SLX4IP: variants seen among roughly 807,000 people sequenced by gnomAD.
The protein encoded by SLX4IP is SLX4 interacting protein, also known as protein SLX4IP.
A neutral mutation model predicts 32.9 loss-of-function variants in SLX4IP; 34 were observed. The ratio of observed to expected loss-of-function variants is 1.03; its 90% CI spans 0.79 to 1.38. The LOEUF is 1.38. Among genes scored for constraint, SLX4IP ranks in the 40% most tolerant of loss-of-function variants. SLX4IP has a pLI of 0.00. For synonymous variants in SLX4IP, 172 were observed against 171.7 expected, an observed-to-expected ratio of 1.00 and a Z score of -0.01; for missense variants, 444 against 479.0, an observed-to-expected ratio of 0.93 and a Z score of 0.68.
intron 7 of SLX4IP, among the ~76,000 whole-genome samples, chr20:10,622,048 G>A (rs1328187090): frequency 6.6e-6 from 1 of 152,148 alleles, no homozygotes; most frequent in Non-Finnish European, 1.5e-5. Context: ...CAGCTATATC[G>A]ACACTCTTTT....
intron 3 of SLX4IP, 119 bp downstream of exon 3, chr20:10,556,439 A>C (rs752916477): frequency 1.9e-5 from 19 of 1,013,944 alleles, no homozygotes; most frequent in Non-Finnish European, 2.8e-5. Context: ...TTAATCCTTG[A>C]AAAACAATTG....
Position 10,626,746 on chromosome 20 carries a change from A to T in SLX4IP, c.*3367A>T, listed in dbSNP as rs1555826111. On this transcript the variant is annotated 3_prime_UTR_variant, in exon 8 of 8. Transcript: ENST00000334534. Reference sequence around the variant, plus strand: ...TGCAAAGAAGCAAACATTTGGGGGTAGGGGAGTAAGTGCTGTAGTTCTTTT... The same window carrying T: ...TGCAAAGAAGCAAACATTTGGGGGTTGGGGAGTAAGTGCTGTAGTTCTTTT... 6.6e-6 allele frequency: 1 copy of T among 152,236 alleles called. No homozygotes were observed. The highest frequency in any genetic ancestry group is 1.5e-5 in the Non-Finnish European group (1 of 68,040). The allele number at this position is 152,236 out of a possible 1,614,324, so 9.4% of individuals were successfully genotyped here.
chr20:10,583,551 G>A (rs2051004058), intron 4 of SLX4IP, among the ~76,000 whole-genome samples: 1 of 152,130 alleles, frequency 6.6e-6, no homozygotes. Context: ...CCGGATGGTG[G>A]CATTAACCTG....
In SLX4IP at chr20:10,622,908, T is replaced by G. The variant is rs1285556207; in HGVS notation, c.756T>G (p.Ser252Arg). The G allele has an allele frequency of 1.9e-6, 3 of 1,614,024 alleles. No homozygotes were observed. In the South Asian group the frequency reaches 3.3e-5, roughly 18 times the overall value. Residue 252 changes from serine (S) to arginine (R), a missense_variant, in exon 8 of 8, where the codon AGT (serine) becomes AGG (arginine). By Grantham distance (110) the Ser-to-Arg change is moderately radical. Coordinates refer to ENST00000334534, the MANE Select transcript of SLX4IP (RefSeq NM_001009608.3). ...ATCAGACCCAGCCAGAAGACACTAG[T>G]GGCCAGCAAAAACCTCATCCTGGGG... ...KVNQTQPEDT[S>R]GQQKPHPGER...
intron 4 of SLX4IP, among the ~76,000 whole-genome samples, chr20:10,588,665 T>C (rs1464029614): frequency 6.6e-6 from 1 of 152,146 alleles, no homozygotes; most frequent in Non-Finnish European, 1.5e-5. Flanking sequence ...CATAGACAAA[T>C]ACTGTGTGAT....
chr20:10,484,229 C>A (rs1186809611), intron 2 of SLX4IP, among the ~76,000 whole-genome samples: 1 of 152,078 alleles, frequency 6.6e-6, no homozygotes, highest in Non-Finnish European at 1.5e-5. Flanking sequence ...TCCTCCCCTA[C>A]AATGAGATAG....
At chr20:10,594,852 A>G (rs922895117) in intron 4 of SLX4IP, among the ~76,000 whole-genome samples, 5 of 152,262 alleles carry the variant, frequency 3.3e-5, no homozygotes, top group African/African-American at 1.2e-4. Flanking sequence ...TAGTAGGAGG[A>G]CTGTGGTTTG....
At chr20:10,458,928 G>T (rs2065311973) in intron 2 of SLX4IP, among the ~76,000 whole-genome samples, 1 of 152,160 alleles carries the variant, frequency 6.6e-6, no homozygotes, top group Non-Finnish European at 1.5e-5. Flanking sequence ...GATCTTTAGG[G>T]AATCGCCACA....
In SLX4IP at chr20:10,626,349, A is replaced by G. The variant is rs1361288217; in HGVS notation, c.*2970A>G. ...CACCCGGCCTGTTTTGACATTCTTA[A>G]TGATCTTAATAATTTGGCATCTGAA... is the stretch of plus-strand genomic sequence containing the variant. On this transcript the variant is annotated 3_prime_UTR_variant, in exon 8 of 8. Coordinates refer to ENST00000334534, the MANE Select transcript of SLX4IP (RefSeq NM_001009608.3). The G allele has an allele frequency of 6.6e-6, 1 of 151,606 alleles. No homozygotes were observed. The highest frequency in any genetic ancestry group is 1.5e-5 in the Non-Finnish European group (1 of 67,918). 9.4% of individuals were successfully genotyped at this position (151,606 alleles called of 1,614,324 possible).
At chr20:10,509,537 C>T (rs575747995) in intron 2 of SLX4IP, among the ~76,000 whole-genome samples, 18 of 152,256 alleles carry the variant, frequency 1.2e-4, no homozygotes, top group African/African-American at 3.9e-4. Flanking sequence ...GGTAGGATAT[C>T]GCCTTGATAC....
At chr20:10,518,523 TTCCTTCCTTC>T (rs1568720429) in intron 2 of SLX4IP, among the ~76,000 whole-genome samples, 1 of 140,238 alleles carries the variant, frequency 7.1e-6, no homozygotes, top group Non-Finnish European at 1.6e-5. Flanking sequence ...CCTTCCTTCC[TTCCTTCCTTC>T]CTTCCTTCCT....
intron 6 of SLX4IP, chr20:10,613,270 A>G (rs2066988952): frequency 7.9e-6 from 5 of 635,254 alleles, no homozygotes. Flanking sequence ...AGGAAATACT[A>G]AGATCAGGTT....
intron 2 of SLX4IP, among the ~76,000 whole-genome samples, chr20:10,477,441 G>A (rs950949925): frequency 2.6e-5 from 4 of 152,164 alleles, no homozygotes. Flanking sequence ...GATTTTTTGT[G>A]TTTTTAGTAG....
chr20:10,562,928 T>A (rs2066348828), intron 4 of SLX4IP, among the ~76,000 whole-genome samples: 1 of 152,186 alleles, frequency 6.6e-6, no homozygotes, highest in African/African-American at 2.4e-5. Context: ...TTAAAATACC[T>A]AGTAGGGAGA....
chr20:10,505,109 A>G (rs186508817), intron 2 of SLX4IP, among the ~76,000 whole-genome samples: 1 of 152,208 alleles, frequency 6.6e-6, no homozygotes, highest in Non-Finnish European at 1.5e-5. Flanking sequence ...GTTTAGACAC[A>G]CTGTACTGAG....
intron 6 of SLX4IP, among the ~76,000 whole-genome samples, chr20:10,604,823 G>T (rs1294391873): frequency 3.9e-5 from 6 of 152,338 alleles, no homozygotes; most frequent in African/African-American, 1.4e-4. Flanking sequence ...ATGAGTCATT[G>T]TATTTTTCTT....
At chr20:10,535,612 C>T (rs928222282) in intron 2 of SLX4IP, among the ~76,000 whole-genome samples, 3 of 152,156 alleles carry the variant, frequency 2.0e-5, no homozygotes, top group African/African-American at 2.4e-5. Flanking sequence ...TGAGCTACTG[C>T]GCCCGGCCCA....
chr20:10,613,821 G>C, intron 6 of SLX4IP: 14 of 1,611,022 alleles, frequency 8.7e-6, no homozygotes, highest in Non-Finnish European at 1.2e-5. Context: ...GTCCAGATAG[G>C]CCTGCTTAAT....
At chr20:10,562,481 C>T (rs1195310622) in intron 4 of SLX4IP, among the ~76,000 whole-genome samples, 1 of 152,024 alleles carries the variant, frequency 6.6e-6, no homozygotes, top group African/African-American at 2.4e-5. Context: ...CTCTGCTCCT[C>T]TTGTTGTCCA....
Sources: gnomAD v4.1 joint callset for allele counts (sites outside exome capture counted in the v4.1 genomes callset) on GRCh38, gnomAD v4.1.1 for gene constraint, MANE v1.5 for transcripts, NCBI Gene and HGNC (gene_info 2026-07-23, HGNC 2026-07-21) for gene names.